ADARB1: variants seen among roughly 807,000 people sequenced by gnomAD.
ADARB1 encodes double-stranded RNA-specific editase 1.
Under a neutral mutation model 52.4 loss-of-function variants are expected in ADARB1, and 10 were observed. The observed-to-expected ratio is 0.19, with a 90% CI of 0.12 to 0.32. The LOEUF (loss-of-function observed/expected upper bound fraction) is 0.32. ADARB1 is among the 10% of genes least tolerant of loss of function. The pLI is 1.00. For synonymous variants in ADARB1, 349 were observed against 371.1 expected (o/e 0.94, Z 0.68); for missense variants, 643 against 922.3 (o/e 0.70, Z 3.92).
intron 2 of ADARB1, among the ~76,000 whole-genome samples, chr21:45,161,340 C>G (rs771821422): frequency 6.6e-6 from 1 of 152,228 alleles, no homozygotes; most frequent in Non-Finnish European, 1.5e-5. Context: ...GCCCCCCTGC[C>G]CCGACAGGCT....
At chr21:45,089,259 A>T (rs1210188769) in intron 1 of ADARB1, among the ~76,000 whole-genome samples, 1 of 152,244 alleles carries the variant, frequency 6.6e-6, no homozygotes, top group Non-Finnish European at 1.5e-5. Flanking sequence ...AGCTGGGAGA[A>T]GGACATAGGG....
chr21:45,178,232 T>A (rs1374169353), intron 4 of ADARB1, among the ~76,000 whole-genome samples: 1 of 152,228 alleles, frequency 6.6e-6, no homozygotes, highest in Non-Finnish European at 1.5e-5. Context: ...GGCTTGGCTG[T>A]GCGCCTGCAG....
intron 2 of ADARB1, among the ~76,000 whole-genome samples, chr21:45,162,120 A>G (rs1024978976): frequency 6.6e-6 from 1 of 151,584 alleles, no homozygotes; most frequent in African/African-American, 2.4e-5. Flanking sequence ...GGAGGAGAGA[A>G]GGAGAGAAGA....
intron 8 of ADARB1, among the ~76,000 whole-genome samples, chr21:45,199,823 C>T (rs2092510333): frequency 2.6e-5 from 4 of 152,216 alleles, no homozygotes; most frequent in Admixed American, 2.6e-4. Context: ...GACTCCTGCA[C>T]CTGCATAGCA....
chr21:45,175,709 T>TA, intron 3 of ADARB1, 21 bp from the exon 4 acceptor site: 1 of 1,611,610 alleles, frequency 6.2e-7, no homozygotes, highest in Non-Finnish European at 8.5e-7. Context: ...CATTGTAAGT[T>TA]ACTCTTTCTG....
Position 45,221,072 on chromosome 21 carries a change from C to T in ADARB1, c.1926+58C>T, listed in dbSNP as rs1471254976. 1.1e-5 allele frequency: 17 copies of T among 1,523,070 alleles called. No homozygotes were observed. Among genetic ancestry groups the T allele is most frequent in the Non-Finnish European group, 1.4e-5 (16 of 1,128,074 alleles). 94.3% of individuals were successfully genotyped at this position (1,523,070 alleles called of 1,614,324 possible). A position where few individuals can be genotyped will look rare whatever the true frequency, so the allele number is the denominator to read the frequency against. ...TCCACCTCCCCAATAGCTTGTCTGT[C>T]CTCACACCTACTGTTCCTTAAGTTG... On this transcript the variant is annotated intron_variant, in intron 10 of 10. Coordinates refer to ENST00000348831, the MANE Select transcript of ADARB1 (RefSeq NM_001112.4). The surrounding 1 kb of genome is among the most constrained non-coding windows in gnomAD (Gnocchi z 4.9).
At chr21:45,139,247 A>G (rs1223639795) in intron 2 of ADARB1, among the ~76,000 whole-genome samples, 1 of 152,186 alleles carries the variant, frequency 6.6e-6, no homozygotes, top group Non-Finnish European at 1.5e-5. Flanking sequence ...TTACCAAAGT[A>G]GAAAACTTCT....
chr21:45,198,701 TTG>T (rs1406833939), intron 8 of ADARB1, among the ~76,000 whole-genome samples: 11 of 152,156 alleles, frequency 7.2e-5, no homozygotes, highest in Non-Finnish European at 1.5e-4. Context: ...CTGCAGCTCA[TTG>T]TGTGGCTCAT....
chr21:45,094,997 A>G (rs1014196651), intron 1 of ADARB1, among the ~76,000 whole-genome samples: 11 of 152,128 alleles, frequency 7.2e-5, no homozygotes, highest in African/African-American at 2.4e-4. Flanking sequence ...CTTCCTTGAC[A>G]TTTCAGTCTG....
At chr21:45,163,228 A>G (rs938331558) in intron 2 of ADARB1, among the ~76,000 whole-genome samples, 1 of 152,274 alleles carries the variant, frequency 6.6e-6, no homozygotes, top group African/African-American at 2.4e-5. Flanking sequence ...CTTAGAGGTC[A>G]GTTCGTATAC....
chr21:45,099,932 T>C (rs1569006554), intron 1 of ADARB1, among the ~76,000 whole-genome samples: 1 of 152,174 alleles, frequency 6.6e-6, no homozygotes, highest in Admixed American at 6.5e-5. Context: ...TACTCAAGGC[T>C]TAGTCTCAGT....
At position 45,220,792 on chromosome 21, in the gene ADARB1, G is replaced by C; in HGVS notation, c.1748-44G>C. Reference sequence around the variant, plus strand: ...GCCCGTGGCTGCTCCCTCCCTGGGGGTGAAAGCGGGCTTCACACCACCTTC... The same window carrying C: ...GCCCGTGGCTGCTCCCTCCCTGGGGCTGAAAGCGGGCTTCACACCACCTTC... On this transcript the variant is annotated intron_variant, in intron 9 of 10. Coordinates refer to ENST00000348831, the MANE Select transcript of ADARB1 (RefSeq NM_001112.4). This position sits in a 1 kb window ranked among gnomAD's most constrained non-coding sequence, Gnocchi z 6.3. 6.3e-7 allele frequency: 1 copy of C among 1,598,548 alleles called. No homozygotes were observed. The highest frequency in any genetic ancestry group is 8.6e-7 in the Non-Finnish European group (1 of 1,169,466).
At chr21:45,139,451 G>C (rs998205432) in intron 2 of ADARB1, among the ~76,000 whole-genome samples, 1 of 151,908 alleles carries the variant, frequency 6.6e-6, no homozygotes, top group African/African-American at 2.4e-5. Context: ...CTTTCTCCTG[G>C]TTTCCTTGAT....
chr21:45,146,735 C>T (rs1259543129), intron 2 of ADARB1, among the ~76,000 whole-genome samples: 2 of 152,240 alleles, frequency 1.3e-5, no homozygotes, highest in African/African-American at 4.8e-5. Flanking sequence ...TATCGAACTT[C>T]TATAAGCACT....
intron 1 of ADARB1, among the ~76,000 whole-genome samples, chr21:45,094,857 A>G (rs943881410): frequency 5.3e-5 from 8 of 152,080 alleles, no homozygotes; most frequent in African/African-American, 1.4e-4. Context: ...AGGAAGACCA[A>G]TTGAGGACCT....
intron 9 of ADARB1, among the ~76,000 whole-genome samples, chr21:45,219,647 A>T (rs2092927689): frequency 6.6e-6 from 1 of 152,158 alleles, no homozygotes. Flanking sequence ...AAACAAAAAG[A>T]AGTCAGAAGG....
chr21:45,199,605 G>T (rs1474892050), intron 8 of ADARB1, among the ~76,000 whole-genome samples: 1 of 152,240 alleles, frequency 6.6e-6, no homozygotes, highest in Non-Finnish European at 1.5e-5. Flanking sequence ...AAGGACCTGA[G>T]TATGCAGAGC....
Position 45,130,574 on chromosome 21 carries a change from G to C in ADARB1, c.-48+2001G>C, listed in dbSNP as rs559227576. 2.6e-5 allele frequency among the ~76,000 whole-genome samples: 4 copies of C among 152,278 alleles called. No homozygotes were observed. The South Asian group carries it at 6.2e-4, about 24-fold the overall frequency. ...GGCGTGTTATTCTTTTCCCTTTTCA[G>C]GGTGGTTTAAATAAAAATAAATAAA... On this transcript the variant is annotated intron_variant, in intron 2 of 10. Coordinates refer to ENST00000348831, the MANE Select transcript of ADARB1 (RefSeq NM_001112.4).
chr21:45,141,813 C>T (rs139839153), intron 2 of ADARB1, among the ~76,000 whole-genome samples: 16 of 151,966 alleles, frequency 1.1e-4, no homozygotes, highest in Non-Finnish European at 1.8e-4. Flanking sequence ...ATGTTAACTA[C>T]CACAGGATCA....
Sources: gnomAD v4.1 joint callset for allele counts (sites outside exome capture counted in the v4.1 genomes callset) on GRCh38, gnomAD v4.1.1 for gene constraint, Gnocchi (gnomAD v3.1) non-coding constraint, MANE v1.5 for transcripts, NCBI Gene and HGNC (gene_info 2026-07-23, HGNC 2026-07-21) for gene names.